SMCHD1: variants seen among roughly 807,000 people sequenced by gnomAD.
The protein encoded by SMCHD1 is structural maintenance of chromosomes flexible hinge domain-containing protein 1.
Under a neutral mutation model 254.7 loss-of-function variants are expected in SMCHD1, and 78 were observed. The observed-to-expected ratio is 0.31, with a 90% confidence interval of 0.26 to 0.37. SMCHD1 has a LOEUF of 0.37. SMCHD1 is among the 10% of genes least tolerant of loss of function. The pLI is 1.00. For synonymous variants in SMCHD1, 766 were observed against 794.9 expected, an observed-to-expected ratio of 0.96 and a Z score of 0.61; for missense variants, 1,840 against 2,408.1, an observed-to-expected ratio of 0.76 and a Z score of 4.94.
intron 47 of SMCHD1, 160 bp downstream of exon 47, chr18:2,796,681 C>A: frequency 1.8e-6 from 1 of 567,948 alleles, no homozygotes; most frequent in South Asian, 2.3e-5. Flanking sequence ...TCCAGGCCCA[C>A]GGGATTCTTG....
intron 47 of SMCHD1, among the ~76,000 whole-genome samples, chr18:2,799,834 C>T (rs2143875042): frequency 6.6e-6 from 1 of 152,108 alleles, no homozygotes; most frequent in Admixed American, 6.6e-5. Context: ...AGTAACTGTG[C>T]AGGCCTCCTG....
At position 2,789,959 on chromosome 18, in the gene SMCHD1, G is replaced by A. The variant is rs368083578; in HGVS notation, c.5719+5338G>A. 1.1e-4 allele frequency among the ~76,000 whole-genome samples: 17 copies of A among 152,314 alleles called. No homozygotes were observed. In the East Asian group the frequency reaches 2.1e-3, roughly 19 times the overall value. ...AACACTTTGGGAGGCCGAGGCGGGTGGATCACGAGGTCAGGAGATTGAGAC... is the reference window on the plus strand; with the variant it reads ...AACACTTTGGGAGGCCGAGGCGGGTAGATCACGAGGTCAGGAGATTGAGAC... On this transcript the variant is annotated intron_variant, in intron 45 of 47. Transcript: ENST00000320876.
intron 45 of SMCHD1, among the ~76,000 whole-genome samples, chr18:2,791,684 A>G (rs888376958): frequency 6.6e-6 from 1 of 152,222 alleles, no homozygotes; most frequent in Non-Finnish European, 1.5e-5. Flanking sequence ...TACTGCCTAG[A>G]GAGATTTTCC....
chr18:2,732,373 A>C lies in SMCHD1; in HGVS notation c.3157A>C (p.Lys1053Gln). Residue 1053 changes from lysine to glutamine, a missense_variant, in exon 25 of 48, where the codon AAA becomes CAA. Transcript: ENST00000320876. The stretch of plus-strand genomic sequence containing the variant: ...AGAAGGACAAAAGGCAATTCAGATC[A>C]AACATCAGGATGAGGTTAATTGGAT... ...SVEGQKAIQI[K>Q]HQDEVNWIAG... is the part of the protein sequence containing the mutation. The C allele has an allele frequency of 6.2e-7, 1 of 1,613,758 alleles. No individual in the cohort carries two copies. Among genetic ancestry groups the C allele is most frequent in the East Asian group, 2.2e-5 (1 of 44,836 alleles).
At chr18:2,670,804 G>A (rs918917827) in intron 3 of SMCHD1, among the ~76,000 whole-genome samples, 4 of 151,512 alleles carry the variant, frequency 2.6e-5, no homozygotes, top group Non-Finnish European at 5.9e-5. Context: ...GAGAGGCTGA[G>A]GCAGGAGAAT....
rs137886432 is a variant in SMCHD1 at position 2,750,590 on chromosome 18, AG to A, written c.4165+84del. ...GGAATAAATTACTTATCCTAGGTTAAGTGTGCTCAGTCTAATGTAGGAGACA... is the reference window on the plus strand; with the variant it reads ...GGAATAAATTACTTATCCTAGGTTAATGTGCTCAGTCTAATGTAGGAGACA... On this transcript the variant is annotated intron_variant, in intron 32 of 47. Transcript: ENST00000320876. 7 of 1,181,028 alleles carry A rather than the reference AG, an allele frequency of 5.9e-6. No individual in the cohort carries two copies. The East Asian group carries it at 1.8e-4, about 31-fold the overall frequency. The allele number at this position is 1,181,028 out of a possible 1,614,324, so 73.2% of individuals were successfully genotyped here. A position where few individuals can be genotyped will look rare whatever the true frequency, so the allele number is the denominator to read the frequency against.
At chr18:2,711,658 A>T (rs2074676382) in intron 17 of SMCHD1, among the ~76,000 whole-genome samples, 1 of 149,930 alleles carries the variant, frequency 6.7e-6, no homozygotes, top group Non-Finnish European at 1.5e-5. Flanking sequence ...AATTTTTTGT[A>T]TTTTTAGTAG....
At chr18:2,663,048 A>G (rs2073339799) in intron 1 of SMCHD1, among the ~76,000 whole-genome samples, 1 of 152,296 alleles carries the variant, frequency 6.6e-6, no homozygotes, top group East Asian at 1.9e-4. Context: ...AATTTCACTG[A>G]TAACTAGTGA....
At chr18:2,733,977 G>A (rs533042068) in intron 25 of SMCHD1, among the ~76,000 whole-genome samples, 1 of 152,338 alleles carries the variant, frequency 6.6e-6, no homozygotes, top group East Asian at 1.9e-4. Flanking sequence ...TTGGCACTAT[G>A]TAGGAGTTGC....
rs115412832 is a variant in SMCHD1, at chr18:2,679,765, T to C, written c.638+5620T>C. On this transcript the variant is annotated intron_variant, in intron 5 of 47. Transcript: ENST00000320876. The stretch of plus-strand genomic sequence containing the variant: ...TCTCGGATATATAGAATAAAGTTTT[T>C]CTTCAAATTTGGGGAGTTTTTGGCC... Among the ~76,000 whole-genome samples, 667 of 152,282 alleles carry C rather than the reference T, an allele frequency of 4.4e-3. 5 individuals carry two copies. The highest frequency in any genetic ancestry group is 0.016 in the African/African-American group (651 of 41,574).
intron 17 of SMCHD1, among the ~76,000 whole-genome samples, chr18:2,716,538 A>AG (rs1283623167): frequency 2.6e-5 from 4 of 152,108 alleles, no homozygotes; most frequent in Non-Finnish European, 5.9e-5. Context: ...GCAGGTAGGG[A>AG]GGGCAAAGCT....
At chr18:2,792,495 C>G (rs1568400471) in intron 45 of SMCHD1, among the ~76,000 whole-genome samples, 1 of 152,214 alleles carries the variant, frequency 6.6e-6, no homozygotes, top group Non-Finnish European at 1.5e-5. Context: ...CAACACATGA[C>G]TGCACAGGGT....
chr18:2,676,777 C>T (rs1033193764), intron 5 of SMCHD1, among the ~76,000 whole-genome samples: 1 of 152,034 alleles, frequency 6.6e-6, no homozygotes, highest in African/African-American at 2.4e-5. Flanking sequence ...TACACACTTA[C>T]ACACACACAC....
chr18:2,720,639 C>G (rs2074905162), intron 19 of SMCHD1, among the ~76,000 whole-genome samples: 1 of 152,194 alleles, frequency 6.6e-6, no homozygotes, highest in Non-Finnish European at 1.5e-5. Flanking sequence ...CAAGACCTAG[C>G]TGCCAGCATT....
chr18:2,671,768 T>C (rs895065754), intron 3 of SMCHD1, among the ~76,000 whole-genome samples: 2 of 151,898 alleles, frequency 1.3e-5, no homozygotes, highest in Non-Finnish European at 2.9e-5. Context: ...GCGAATTTTT[T>C]TGTATTTTTT....
At chr18:2,748,341 GTT>G (rs200171447) in intron 30 of SMCHD1, among the ~76,000 whole-genome samples, 1,662 of 100,394 alleles carry the variant, frequency 0.017, 37 homozygotes, top group Non-Finnish European at 0.022. Flanking sequence ...TCTTTGCAAA[GTT>G]GTGTGTGTGT....
At chr18:2,738,187 TA>T (rs1389704190) in intron 25 of SMCHD1, among the ~76,000 whole-genome samples, 1 of 152,068 alleles carries the variant, frequency 6.6e-6, no homozygotes, top group Non-Finnish European at 1.5e-5. Flanking sequence ...TTTATCTCAC[TA>T]AAAAAATAGG....
At chr18:2,738,280 C>A in intron 25 of SMCHD1, 117 bp from the exon 26 acceptor site, 1 of 953,352 alleles carries the variant, frequency 1.0e-6, no homozygotes, top group Non-Finnish European at 1.5e-6. Flanking sequence ...CATAAAGAGA[C>A]TTTTTTCTTG....
In SMCHD1 at chr18:2,771,571, C is replaced by T. The variant is rs1241705515; in HGVS notation, c.5005C>T (p.Arg1669Ter). 2.6e-6 allele frequency: 4 copies of T among 1,564,122 alleles called. No individual in the cohort carries two copies. The highest frequency in any genetic ancestry group is 3.4e-6 in the Non-Finnish European group (4 of 1,165,610). ...AGCAAGATTAAAAGAGGCCCAATTG[C>T]GAAATGAACTAAAAATACATAATAT... ...EEARLKEAQL[R>*]NELKIHNIDI... The change falls in exon 40 of 48, where the codon CGA becomes TGA. Residue 1669 changes from arginine (R) to a stop codon, truncating the protein, a stop_gained. Coordinates refer to ENST00000320876, the MANE Select transcript of SMCHD1 (RefSeq NM_015295.3). LOFTEE classifies it high-confidence loss of function.
Sources: allele counts gnomAD v4.1 joint callset (sites outside exome capture counted in the v4.1 genomes callset), GRCh38; gene constraint gnomAD v4.1.1; transcripts MANE v1.5; gene names NCBI Gene and HGNC (gene_info 2026-07-23, HGNC 2026-07-21).